ZBTB7A: variants seen among roughly 807,000 people sequenced by gnomAD.
The protein encoded by ZBTB7A is zinc finger and BTB domain containing 7A.
A neutral mutation model predicts 26.7 loss-of-function variants in ZBTB7A; 7 were observed. That is an observed-to-expected ratio of 0.26 (90% CI 0.15 to 0.49). The LOEUF is 0.49. ZBTB7A is among the 20% of genes least tolerant of loss of function. The pLI is 0.98. For synonymous variants in ZBTB7A, 452 were observed against 441.0 expected, an observed-to-expected ratio of 1.02 and a Z score of -0.31; for missense variants, 617 against 919.5, an observed-to-expected ratio of 0.67 and a Z score of 4.25.
Position 4,054,036 on chromosome 19 carries a change from T to C in ZBTB7A, c.1197A>G (p.Arg399=). The change falls in exon 2 of 3, where the codon CGA becomes CGG. Residue 399 remains arginine (R), a synonymous_variant. Coordinates refer to ENST00000322357, the MANE Select transcript of ZBTB7A (RefSeq NM_015898.4). ...TCTCGCCCGTGTGGGTGCGGATGTG[T>C]CGCGGCAGCTTGCCGGCGCCCTGGA... ...KVIQGAGKLP[R]HIRTHTGEKP... 6.2e-7 allele frequency: 1 copy of C among 1,612,294 alleles called. No homozygotes were observed. Among genetic ancestry groups the C allele is most frequent in the Non-Finnish European group, 8.5e-7 (1 of 1,179,792 alleles).
chr19:4,058,956 C>T (rs1004206097), intron 1 of ZBTB7A, among the ~76,000 whole-genome samples: 3 of 152,296 alleles, frequency 2.0e-5, no homozygotes, highest in East Asian at 3.9e-4. Flanking sequence ...TGTGGTGGGG[C>T]GGTGGGCTCA....
intron 1 of ZBTB7A, among the ~76,000 whole-genome samples, chr19:4,057,641 C>T (rs2040594214): frequency 1.3e-5 from 2 of 148,410 alleles, no homozygotes; most frequent in South Asian, 4.3e-4. Flanking sequence ...ATTAGCTGGG[C>T]CTGGTGGCGC....
chr19:4,065,950 C>G (rs1025985803), intron 1 of ZBTB7A, among the ~76,000 whole-genome samples: 50 of 142,744 alleles, frequency 3.5e-4, no homozygotes, highest in African/African-American at 1.2e-3. Context: ...GCGCGATCGG[C>G]CCGCGCCCAT....
intron 1 of ZBTB7A, among the ~76,000 whole-genome samples, chr19:4,057,977 A>ACTCCTGC (rs934097286): frequency 1.5e-4 from 23 of 151,440 alleles, no homozygotes; most frequent in Non-Finnish European, 3.2e-4. Flanking sequence ...CCCAACCCTG[A>ACTCCTGC]CTCCTGCCTC....
At chr19:4,058,531 TCCTGGGAGCCCCTGGCGGCCCCGAGTCA>T (rs1362480341) in intron 1 of ZBTB7A, among the ~76,000 whole-genome samples, 1 of 150,530 alleles carries the variant, frequency 6.6e-6, no homozygotes, top group East Asian at 2.0e-4. Flanking sequence ...CTCCGCCCTC[TCCTGGGAGCCCCTGGCGGCCCCGAGTCA>T]CCCAGCACAG....
intron 1 of ZBTB7A, among the ~76,000 whole-genome samples, chr19:4,066,344 T>C (rs1599266815): frequency 2.0e-4 from 18 of 91,064 alleles, no homozygotes; most frequent in African/African-American, 4.8e-4. Context: ...CCACGCCGGC[T>C]CCCCCCACCC....
rs1234222732 is a variant in ZBTB7A, at chr19:4,047,126, G to T, written c.*626C>A. 4 of 152,082 alleles carry T rather than the reference G, an allele frequency of 2.6e-5. No homozygotes were observed. Among genetic ancestry groups the T allele is most frequent in the Non-Finnish European group, 5.9e-5 (4 of 68,050 alleles). 9.4% of individuals were successfully genotyped at this position (152,082 alleles called of 1,614,324 possible). ...GGAGACGTGGGGTGGGCGACGGGGG[G>T]AGGCCGCAGGCAGGGTTGGAGGCGG... On this transcript the variant is annotated 3_prime_UTR_variant, in exon 3 of 3. Coordinates refer to ENST00000322357, the MANE Select transcript of ZBTB7A (RefSeq NM_015898.4).
intron 2 of ZBTB7A, among the ~76,000 whole-genome samples, chr19:4,050,754 A>G (rs1351363937): frequency 3.3e-5 from 5 of 152,048 alleles, no homozygotes; most frequent in African/African-American, 1.2e-4. Flanking sequence ...ACTTTCACCA[A>G]CTCTCTTTGA....
chr19:4,049,217 T>G (rs1250676187), intron 2 of ZBTB7A, among the ~76,000 whole-genome samples: 1 of 108,346 alleles, frequency 9.2e-6, no homozygotes, highest in Non-Finnish European at 2.0e-5. Flanking sequence ...TATGTAAGTT[T>G]GAGAGATGGG....
chr19:4,053,510 TGTGTGC>T (rs763444725), intron 2 of ZBTB7A, among the ~76,000 whole-genome samples: 14,588 of 48,954 alleles, frequency 0.3, 2,401 homozygotes, highest in African/African-American at 0.58. Context: ...TGGGTGTGCG[TGTGTGC>T]GTGCGTGCGT....
chr19:4,050,061 T>C (rs2040483181), intron 2 of ZBTB7A, among the ~76,000 whole-genome samples: 2 of 152,134 alleles, frequency 1.3e-5, no homozygotes, highest in African/African-American at 4.8e-5. Flanking sequence ...GTAGCTGGGA[T>C]TACAGGCCCT....
In ZBTB7A at chr19:4,043,373, T is replaced by A. The variant is rs1465269020; in HGVS notation, c.*4379A>T. Among the ~76,000 whole-genome samples, 1 of 151,894 alleles carries A rather than the reference T, an allele frequency of 6.6e-6. No individual in the cohort carries two copies. Among genetic ancestry groups the A allele is most frequent in the African/African-American group, 2.4e-5 (1 of 41,386 alleles). On this transcript the variant is annotated 3_prime_UTR_variant, in exon 3 of 3. Transcript: ENST00000322357. ...ACAAGAAAAATGAATTTTTTTGTTTTTTCATCTTTTGTGTTTTTGTTTGTT... is the reference window on the plus strand; with the variant it reads ...ACAAGAAAAATGAATTTTTTTGTTTATTCATCTTTTGTGTTTTTGTTTGTT...
At chr19:4,051,095 T>A in intron 2 of ZBTB7A, among the ~76,000 whole-genome samples, 1 of 25,764 alleles carries the variant, frequency 3.9e-5, no homozygotes, top group African/African-American at 4.0e-4. Context: ...AAGACTCGTC[T>A]CAAAAAAAAA....
In ZBTB7A at chr19:4,044,697, T is replaced by G. The variant is rs1315465077; in HGVS notation, c.*3055A>C. On this transcript the variant is annotated 3_prime_UTR_variant, in exon 3 of 3. Transcript: ENST00000322357. Reference sequence around the variant, plus strand: ...TTTTTTTTTTTTCTCTTTTTTTTTTTGTACCAGGCAGTTAAAAAAAAAACA... The same window carrying G: ...TTTTTTTTTTTTCTCTTTTTTTTTTGGTACCAGGCAGTTAAAAAAAAAACA... 6.8e-6 allele frequency: 1 copy of G among 147,086 alleles called. No homozygotes were observed. The highest frequency in any genetic ancestry group is 1.5e-5 in the Non-Finnish European group (1 of 66,852). 9.1% of individuals were successfully genotyped at this position (147,086 alleles called of 1,614,324 possible). A position where few individuals can be genotyped will look rare whatever the true frequency, so the allele number is the denominator to read the frequency against.
chr19:4,065,047 G>T (rs866422188), intron 1 of ZBTB7A, among the ~76,000 whole-genome samples: 9 of 151,858 alleles, frequency 5.9e-5, no homozygotes, highest in Middle Eastern at 3.4e-3. Context: ...AGGCCGGGGG[G>T]GCTGGGTCTC....
intron 2 of ZBTB7A, among the ~76,000 whole-genome samples, chr19:4,050,929 T>C (rs1199836422): frequency 1.3e-5 from 2 of 150,798 alleles, no homozygotes; most frequent in Non-Finnish European, 1.5e-5. Context: ...TGAAACCCCG[T>C]CTCTACTAAA....
At chr19:4,065,872 C>A (rs1313017153) in intron 1 of ZBTB7A, 1 of 143,794 alleles carries the variant, frequency 7.0e-6, no homozygotes, top group Non-Finnish European at 1.5e-5. Context: ...CGCCACCGGC[C>A]CCCGGCGAGG....
In ZBTB7A at chr19:4,046,675, C is replaced by G. The variant is rs1213638844; in HGVS notation, c.*1077G>C. 1 of 149,960 alleles carries G rather than the reference C, an allele frequency of 6.7e-6. No individual in the cohort carries two copies. Among genetic ancestry groups the G allele is most frequent in the African/African-American group, 2.4e-5 (1 of 40,918 alleles). 9.3% of individuals were successfully genotyped at this position (149,960 alleles called of 1,614,324 possible). On this transcript the variant is annotated 3_prime_UTR_variant, in exon 3 of 3. Coordinates refer to ENST00000322357, the MANE Select transcript of ZBTB7A (RefSeq NM_015898.4). ...ATTTGTGGATTTTCTCTCTCTCCCC[C>G]CATCCCTGCCATCACCAGACCCTGG... is the stretch of plus-strand genomic sequence containing the variant.
chr19:4,051,534 T>A lies in ZBTB7A; in HGVS notation c.1262+2437A>T, dbSNP rs915469919. 2.0e-5 allele frequency among the ~76,000 whole-genome samples: 3 copies of A among 152,192 alleles called. No individual in the cohort carries two copies. In the South Asian group the frequency reaches 6.2e-4, roughly 31 times the overall value. Reference sequence around the variant, plus strand: ...TGCCCTGAGGGTCAAGGCCTGGCCCTTGGCAACCAGACCCCTACCTTATCT... The same window carrying A: ...TGCCCTGAGGGTCAAGGCCTGGCCCATGGCAACCAGACCCCTACCTTATCT... On this transcript the variant is annotated intron_variant, in intron 2 of 2. Coordinates refer to ENST00000322357, the MANE Select transcript of ZBTB7A (RefSeq NM_015898.4).
Sources: allele counts gnomAD v4.1 joint callset (sites outside exome capture counted in the v4.1 genomes callset), GRCh38; gene constraint gnomAD v4.1.1; transcripts MANE v1.5; gene names NCBI Gene and HGNC (gene_info 2026-07-23, HGNC 2026-07-21).